Variants in UNC13C observed in about 807,000 individuals in gnomAD.
The protein encoded by UNC13C is protein unc-13 homolog C.
In UNC13C, 174 loss-of-function variants were observed where a neutral mutation model predicts 245.4. That is an observed-to-expected ratio of 0.71 (90% CI 0.63 to 0.80). UNC13C has a LOEUF of 0.80. UNC13C is among the 30% of genes least tolerant of loss of function. The probability of loss-of-function intolerance (pLI) is 0.00; values close to 1 mark genes in which losing one functional copy is unlikely to be tolerated. For missense variants in UNC13C, 2,829 were observed against 2,602.9 expected, an observed-to-expected ratio of 1.09 and a Z score of -1.89; for synonymous variants, 992 against 895.1, an observed-to-expected ratio of 1.11 and a Z score of -1.93.
At position 54,628,034 on chromosome 15, in the gene UNC13C, T is replaced by C. The variant is rs28497739; in HGVS notation, c.*921T>C. The C allele has an allele frequency of 0.089, 13,571 of 152,228 alleles. 647 individuals carry two copies. The highest frequency in any genetic ancestry group is 0.11 in the Middle Eastern group (33 of 294). The allele number at this position is 152,228 out of a possible 1,614,324, so 9.4% of individuals were successfully genotyped here. ...TAGTATTGAATGCAGCATTACTATA[T>C]ATTGTACTGATGCCAAAAGTCATGT... On this transcript the variant is annotated 3_prime_UTR_variant, in exon 33 of 33. Transcript: ENST00000260323.
chr15:54,366,940 A>G (rs1369467560), intron 17 of UNC13C, among the ~76,000 whole-genome samples: 1 of 152,178 alleles, frequency 6.6e-6, no homozygotes, highest in Non-Finnish European at 1.5e-5. Context: ...CAGTTAGACC[A>G]GGAATTGTTG....
At chr15:54,005,678 G>A (rs1425737835) in intron 1 of UNC13C, among the ~76,000 whole-genome samples, 1 of 152,170 alleles carries the variant, frequency 6.6e-6, no homozygotes, top group African/African-American at 2.4e-5. Flanking sequence ...AAGAAAAGAT[G>A]ACAAGTTAAA....
At chr15:54,328,383 CT>C (rs1458399532) in intron 14 of UNC13C, among the ~76,000 whole-genome samples, 2 of 151,932 alleles carry the variant, frequency 1.3e-5, no homozygotes, top group African/African-American at 4.8e-5. Context: ...TTGGTATGAT[CT>C]GGAAAAAAAC....
chr15:53,980,207 G>A (rs886126838), intron 1 of UNC13C, among the ~76,000 whole-genome samples: 3 of 152,126 alleles, frequency 2.0e-5, no homozygotes, highest in African/African-American at 7.2e-5. Flanking sequence ...TTGCCAAATG[G>A]TAGCTATCTG....
chr15:54,403,508 G>A (rs943467050), intron 18 of UNC13C, among the ~76,000 whole-genome samples: 1 of 151,870 alleles, frequency 6.6e-6, no homozygotes. Context: ...GATTTCTTGA[G>A]GCCAGGAGTT....
At chr15:53,912,676 A>G in the UNC13C span, 2 of 151,780 alleles carry the variant, frequency 1.3e-5, no homozygotes, top group Non-Finnish European at 2.9e-5. Context: ...TAAAGCCAGT[A>G]CTCCATACAC....
the UNC13C span, among the ~76,000 whole-genome samples, chr15:53,956,801 A>T: frequency 6.6e-6 from 1 of 151,582 alleles, no homozygotes; most frequent in South Asian, 2.1e-4. Context: ...GGATTATCAG[A>T]GTTGAGGATG....
intron 30 of UNC13C, among the ~76,000 whole-genome samples, chr15:54,591,467 C>T (rs943446285): frequency 3.3e-5 from 5 of 152,082 alleles, no homozygotes; most frequent in African/African-American, 1.2e-4. Context: ...AATCTCACTA[C>T]TTGTTATTAG....
chr15:54,524,029 G>A (rs1230184714), intron 24 of UNC13C, among the ~76,000 whole-genome samples: 1 of 152,126 alleles, frequency 6.6e-6, no homozygotes, highest in African/African-American at 2.4e-5. Context: ...TCTTGGTTAG[G>A]GGTTAGGGAG....
intron 17 of UNC13C, among the ~76,000 whole-genome samples, chr15:54,363,195 G>C (rs2039276477): frequency 1.3e-5 from 2 of 152,176 alleles, no homozygotes; most frequent in Admixed American, 1.3e-4. Flanking sequence ...TGCAACCTCT[G>C]CCTCCTGGGT....
chr15:54,470,570 T>C (rs548621210), intron 19 of UNC13C, among the ~76,000 whole-genome samples: 1 of 151,346 alleles, frequency 6.6e-6, no homozygotes, highest in African/African-American at 2.4e-5. Context: ...CTTTGTACTT[T>C]GTGTTATCAG....
At chr15:54,298,714 G>A (rs80277139) in intron 12 of UNC13C, among the ~76,000 whole-genome samples, 3,564 of 152,182 alleles carry the variant, frequency 0.023, 80 homozygotes, top group East Asian at 0.075. Flanking sequence ...AATGTTTGTC[G>A]CTGAGAGCTT....
In UNC13C at chr15:54,567,782, A is replaced by ATT; in HGVS notation, c.5959-10_5959-9dup. 3 of 1,542,004 alleles carry ATT rather than the reference A, an allele frequency of 1.9e-6. No homozygotes were observed. The highest frequency in any genetic ancestry group is 1.2e-5 in the South Asian group (1 of 82,284). ...TACTTCTCTCTAAATGCCTCGGCTT[A>ATT]TTTTTTTTTCTTTGTAGCAATACTT... On this transcript the variant is annotated splice_polypyrimidine_tract_variant and intron_variant, in intron 29 of 32. Coordinates refer to ENST00000260323, the MANE Select transcript of UNC13C (RefSeq NM_001080534.3).
chr15:54,319,399 T>A (rs1015082796), intron 13 of UNC13C, among the ~76,000 whole-genome samples: 1 of 151,900 alleles, frequency 6.6e-6, no homozygotes, highest in African/African-American at 2.4e-5. Flanking sequence ...GGATTCTTAA[T>A]ACATATTAAT....
At chr15:54,247,509 G>A (rs74013541) in intron 7 of UNC13C, among the ~76,000 whole-genome samples, 3,864 of 152,180 alleles carry the variant, frequency 0.025, 161 homozygotes, top group African/African-American at 0.089. Flanking sequence ...TGAAAAAAGA[G>A]TGTTTTCGTA....
At chr15:54,389,276 G>C (rs1261285073) in intron 17 of UNC13C, among the ~76,000 whole-genome samples, 1 of 152,196 alleles carries the variant, frequency 6.6e-6, no homozygotes, top group Non-Finnish European at 1.5e-5. Flanking sequence ...TTACCTCTTA[G>C]AGAAGTGGTT....
rs1896640054 is a variant in UNC13C at position 54,549,525 on chromosome 15, C to G, written c.5821-110C>G. On this transcript the variant is annotated intron_variant, in intron 27 of 32. Coordinates refer to ENST00000260323, the MANE Select transcript of UNC13C (RefSeq NM_001080534.3). Reference sequence around the variant, plus strand: ...CCAATTAAGGGCATCTGGCATAAGCCATAAGTCTTATAAGGGAAATAAAGA... The same window carrying G: ...CCAATTAAGGGCATCTGGCATAAGCGATAAGTCTTATAAGGGAAATAAAGA... The G allele has an allele frequency of 7.3e-6, 6 of 822,362 alleles. No individual in the cohort carries two copies. In the South Asian group the frequency reaches 1.1e-4, roughly 16 times the overall value. The allele number at this position is 822,362 out of a possible 1,614,324, so 50.9% of individuals were successfully genotyped here. A position where few individuals can be genotyped will look rare whatever the true frequency, so the allele number is the denominator to read the frequency against.
intron 4 of UNC13C, among the ~76,000 whole-genome samples, chr15:54,215,031 G>A (rs17237333): frequency 0.15 from 23,004 of 151,786 alleles, 2,176 homozygotes; most frequent in Non-Finnish European, 0.2. Context: ...ATGTAATAAT[G>A]TCTGAGGCTA....
chr15:54,466,223 A>C (rs1045279730), intron 19 of UNC13C, among the ~76,000 whole-genome samples: 1 of 151,928 alleles, frequency 6.6e-6, no homozygotes, highest in African/African-American at 2.4e-5. Context: ...TGGGTACAAA[A>C]ATACAATTAG....
Sources: gnomAD v4.1 joint callset for allele counts (sites outside exome capture counted in the v4.1 genomes callset) on GRCh38, gnomAD v4.1.1 for gene constraint, MANE v1.5 for transcripts, NCBI Gene and HGNC (gene_info 2026-07-23, HGNC 2026-07-21) for gene names.